STX17: variants seen among roughly 807,000 people sequenced by gnomAD.
STX17 encodes the protein syntaxin-17.
A neutral mutation model predicts 35.9 loss-of-function variants in STX17; 29 were observed. That is an observed-to-expected ratio of 0.81 (90% CI 0.60 to 1.10). The LOEUF is 1.10. Ranked by LOEUF, STX17 falls within the 50% of genes least tolerant of loss-of-function variation. STX17 has a pLI of 0.00. For missense variants in STX17, 312 were observed against 352.3 expected (o/e 0.89, Z 0.92); for synonymous variants, 92 against 118.3 (o/e 0.78, Z 1.44).
intron 3 of STX17, among the ~76,000 whole-genome samples, chr9:99,945,223 G>A (rs1451552161): frequency 6.6e-6 from 1 of 152,060 alleles, no homozygotes; most frequent in African/African-American, 2.4e-5. Flanking sequence ...CCTTATGATT[G>A]TGGATTTGTT....
intron 3 of STX17, among the ~76,000 whole-genome samples, chr9:99,938,867 GA>G (rs1258967773): frequency 6.8e-5 from 1 of 14,634 alleles, no homozygotes; most frequent in African/African-American, 3.8e-4. Context: ...CTATCGGCCT[GA>G]GATTTTTCTT....
intron 3 of STX17, among the ~76,000 whole-genome samples, chr9:99,938,658 G>A (rs1197976323): frequency 6.6e-6 from 1 of 151,990 alleles, no homozygotes; most frequent in East Asian, 1.9e-4. Flanking sequence ...ATGGTGGTGT[G>A]TGCCCTGTAG....
intron 1 of STX17, among the ~76,000 whole-genome samples, chr9:99,912,198 C>G (rs779561364): frequency 2.0e-5 from 3 of 150,792 alleles, no homozygotes; most frequent in Non-Finnish European, 4.4e-5. Flanking sequence ...TGCACTCCAG[C>G]CTGGGTGACA....
intron 3 of STX17, among the ~76,000 whole-genome samples, chr9:99,941,708 T>C (rs1177950929): frequency 6.6e-6 from 1 of 152,230 alleles, no homozygotes; most frequent in Non-Finnish European, 1.5e-5. Flanking sequence ...TGCCAAAGTG[T>C]GTCCTTAAGA....
intron 3 of STX17, among the ~76,000 whole-genome samples, chr9:99,946,275 A>AT (rs780395601): frequency 2.9e-4 from 44 of 152,230 alleles, no homozygotes; most frequent in Middle Eastern, 3.4e-3. Flanking sequence ...ATACTACACC[A>AT]TTTTATGTAA....
At chr9:99,923,482 T>G (rs1189943114) in intron 2 of STX17, among the ~76,000 whole-genome samples, 1 of 152,186 alleles carries the variant, frequency 6.6e-6, no homozygotes, top group Non-Finnish European at 1.5e-5. Flanking sequence ...ACATGTTTTC[T>G]CTTATACTCT....
chr9:99,961,867 G>A lies in STX17; in HGVS notation c.582+1712G>A, dbSNP rs180835186. Among the ~76,000 whole-genome samples the A allele has an allele frequency of 2.0e-3, 311 of 152,156 alleles. 1 individual carries two copies. Among genetic ancestry groups the A allele is most frequent in the African/African-American group, 7.1e-3 (293 of 41,508 alleles). ...CTCTTTTGGAACAATTACAGCACAA[G>A]GATATTGATACTTAAACTATTGCAT... On this transcript the variant is annotated intron_variant, in intron 6 of 7. Coordinates refer to ENST00000259400, the MANE Select transcript of STX17 (RefSeq NM_017919.3).
chr9:99,930,572 A>G (rs1829101423), intron 3 of STX17, among the ~76,000 whole-genome samples: 1 of 151,916 alleles, frequency 6.6e-6, no homozygotes, highest in African/African-American at 2.4e-5. Flanking sequence ...CGGCTTTTCC[A>G]TTCTTTATTT....
intron 3 of STX17, among the ~76,000 whole-genome samples, chr9:99,948,011 A>T (rs926249329): frequency 7.6e-4 from 115 of 151,010 alleles, no homozygotes; most frequent in African/African-American, 2.8e-3. Flanking sequence ...TGAAGTAGCC[A>T]TTAGTGGGAA....
At chr9:99,943,493 G>T (rs557279320) in intron 3 of STX17, among the ~76,000 whole-genome samples, 1 of 152,186 alleles carries the variant, frequency 6.6e-6, no homozygotes, top group Non-Finnish European at 1.5e-5. Context: ...TTTCTTAGTA[G>T]AGACGGGGTT....
Position 99,970,601 on chromosome 9 carries a change from T to C in STX17, c.*1928T>C, listed in dbSNP as rs1314949053. Among the ~76,000 whole-genome samples, 2 of 152,164 alleles carry C rather than the reference T, an allele frequency of 1.3e-5. No individual in the cohort carries two copies. Among genetic ancestry groups the C allele is most frequent in the Non-Finnish European group, 2.9e-5 (2 of 68,024 alleles). ...TAAAGCAAGATTCCTAAACCTCAGT[T>C]CCAGGGGTAATTCTGACATCACCCG... On this transcript the variant is annotated 3_prime_UTR_variant, in exon 8 of 8. Transcript: ENST00000259400.
intron 3 of STX17, among the ~76,000 whole-genome samples, chr9:99,946,091 A>C (rs1829477024): frequency 6.6e-6 from 1 of 152,184 alleles, no homozygotes; most frequent in African/African-American, 2.4e-5. Flanking sequence ...TCAAAAACAA[A>C]AACAAAAACA....
At chr9:99,957,431 A>G (rs1829730498) in intron 4 of STX17, among the ~76,000 whole-genome samples, 2 of 152,102 alleles carry the variant, frequency 1.3e-5, no homozygotes, top group Admixed American at 1.3e-4. Flanking sequence ...CTCTGTGTTG[A>G]TTACTTTTTA....
In STX17 at chr9:99,951,167, A is replaced by G. The variant is rs773370441; in HGVS notation, c.297A>G (p.Ser99=). The part of the protein sequence containing the change: ...RMIDPVKEEA[S]AATAEFLQLH... ...TAGATCCTGTTAAAGAAGAAGCATC[A>G]GCAGCAACAGCAGAATTTCTCCAAC... Residue 99 remains serine, a synonymous_variant, in exon 4 of 8, where the codon TCA becomes TCG. Transcript: ENST00000259400. 24 of 1,613,160 alleles carry G rather than the reference A, an allele frequency of 1.5e-5. No homozygotes were observed. The Middle Eastern group carries it at 5.0e-4, about 33-fold the overall frequency.
intron 3 of STX17, among the ~76,000 whole-genome samples, chr9:99,947,197 C>G (rs1829503248): frequency 6.6e-6 from 1 of 151,826 alleles, no homozygotes. Context: ...TTATATCTTT[C>G]TTGAACTGGG....
chr9:99,914,001 T>TG (rs1171014997), intron 1 of STX17: 12 of 151,690 alleles, frequency 7.9e-5, no homozygotes, highest in African/African-American at 2.9e-4. Flanking sequence ...GATGGGATTT[T>TG]GGCATGTTGC....
intron 3 of STX17, among the ~76,000 whole-genome samples, chr9:99,933,587 C>T (rs1366500216): frequency 1.3e-5 from 2 of 152,026 alleles, no homozygotes; most frequent in African/African-American, 4.8e-5. Context: ...ATTTGGGGAT[C>T]TTTATAGTTT....
At chr9:99,937,990 A>T (rs1356455999) in intron 3 of STX17, 2 of 152,070 alleles carry the variant, frequency 1.3e-5, no homozygotes, top group African/African-American at 4.8e-5. Flanking sequence ...TGGGGGCAAA[A>T]CCTTTTTGAG....
At chr9:99,908,699 TAGTC>T (rs1247602650) in intron 1 of STX17, among the ~76,000 whole-genome samples, 5 of 152,142 alleles carry the variant, frequency 3.3e-5, no homozygotes, top group Admixed American at 6.5e-5. Flanking sequence ...TCAGCCCTGA[TAGTC>T]AGCCACTTCT....
Sources: allele counts gnomAD v4.1 joint callset (sites outside exome capture counted in the v4.1 genomes callset), GRCh38; gene constraint gnomAD v4.1.1; transcripts MANE v1.5; gene names NCBI Gene and HGNC (gene_info 2026-07-23, HGNC 2026-07-21).